Variants in TSC22D1 observed in about 807,000 individuals in gnomAD.
TSC22D1 encodes TSC22 domain family protein 1.
Under a neutral mutation model 74.2 loss-of-function variants are expected in TSC22D1, and 9 were observed. That is an observed-to-expected ratio of 0.12 (90% CI 0.07 to 0.21). The LOEUF (loss-of-function observed/expected upper bound fraction) is 0.21, where lower values mean the gene tolerates loss of function less well. Ranked by LOEUF, TSC22D1 falls within the 10% of genes least tolerant of loss-of-function variation. The pLI is 1.00. For missense variants in TSC22D1, 1,427 were observed against 1,304.7 expected (o/e 1.09, Z -1.44); for synonymous variants, 586 against 492.5 (o/e 1.19, Z -2.51).
At chr13:44,576,956 G>C (rs1341224887), upstream of TSC22D1, 1 of 152,728 alleles carries the variant, frequency 6.5e-6, no homozygotes, top group African/African-American at 2.4e-5. Context: ...GGGGAGGAAG[G>C]GGCCGGCACC....
intron 1 of TSC22D1, among the ~76,000 whole-genome samples, chr13:44,491,541 G>GA (rs1203709221): frequency 1.1e-4 from 16 of 142,500 alleles, no homozygotes; most frequent in African/African-American, 4.2e-4. Context: ...GAGGCAAAGC[G>GA]AGACTCCGTC....
chr13:44,573,086 T>C, intron 1 of TSC22D1, 77 bp downstream of exon 1: 1 of 1,512,006 alleles, frequency 6.6e-7, no homozygotes, highest in Non-Finnish European at 8.8e-7. Flanking sequence ...TTAGAGTCAT[T>C]TTGTGCATAC....
chr13:44,462,326 G>A (rs1180649050), intron 1 of TSC22D1, among the ~76,000 whole-genome samples: 1 of 152,170 alleles, frequency 6.6e-6, no homozygotes, highest in Non-Finnish European at 1.5e-5. Context: ...TTTTGGAAAG[G>A]TGCTGGACCA....
chr13:44,533,291 T>C (rs1880957233), intron 1 of TSC22D1, among the ~76,000 whole-genome samples: 1 of 151,164 alleles, frequency 6.6e-6, no homozygotes, highest in South Asian at 2.1e-4. Context: ...TGAAACCTCA[T>C]CTCTACTAGA....
At chr13:44,469,243 C>T (rs1019826934) in intron 1 of TSC22D1, among the ~76,000 whole-genome samples, 4 of 152,146 alleles carry the variant, frequency 2.6e-5, no homozygotes, top group African/African-American at 4.8e-5. Context: ...TACCCATCTC[C>T]GGCTTCCCTT....
At chr13:44,539,927 A>G in intron 1 of TSC22D1, 1 of 1,289,466 alleles carries the variant, frequency 7.8e-7, no homozygotes, top group South Asian at 1.2e-5. Context: ...AGAAGCACTG[A>G]AATAGAGAGC....
chr13:44,562,012 G>T (rs1883073962), intron 1 of TSC22D1, among the ~76,000 whole-genome samples: 1 of 151,912 alleles, frequency 6.6e-6, no homozygotes, highest in Non-Finnish European at 1.5e-5. Context: ...AATCATCTAA[G>T]GACAATTTCA....
At chr13:44,439,303 T>TA (rs1383758370) in intron 1 of TSC22D1, among the ~76,000 whole-genome samples, 3 of 152,206 alleles carry the variant, frequency 2.0e-5, no homozygotes, top group Non-Finnish European at 4.4e-5. Context: ...GATAGGCAAC[T>TA]AAAAAAATGA....
intron 1 of TSC22D1, among the ~76,000 whole-genome samples, chr13:44,553,114 A>G (rs1018505981): frequency 6.6e-6 from 1 of 152,222 alleles, no homozygotes; most frequent in African/African-American, 2.4e-5. Flanking sequence ...ATACATGACC[A>G]ACGACATTTC....
chr13:44,567,790 G>A (rs757777643), intron 1 of TSC22D1, among the ~76,000 whole-genome samples: 27 of 152,210 alleles, frequency 1.8e-4, no homozygotes, highest in Non-Finnish European at 3.2e-4. Context: ...TCAACAACCT[G>A]ACTCAAGAAA....
Position 44,575,438 on chromosome 13 carries a change from C to T in TSC22D1, c.637G>A (p.Gly213Arg). 1 of 1,613,948 alleles carries T rather than the reference C, an allele frequency of 6.2e-7. No homozygotes were observed. Among genetic ancestry groups the T allele is most frequent in the Non-Finnish European group, 8.5e-7 (1 of 1,179,970 alleles). Residue 213 changes from glycine to arginine, a missense_variant, in exon 1 of 3, where the codon GGG becomes AGG. Gly to Arg is a moderately radical substitution (Grantham distance 125, BLOSUM62 -2). Around this residue, in one of 3 missense-constraint regions of TSC22D1, gnomAD observed 1,343 missense variants for 1,191.5 expected, o/e 1.13. Coordinates refer to ENST00000458659, the MANE Select transcript of TSC22D1 (RefSeq NM_183422.4). ...TGGAGGTGGTGTGGATGAGCATTCC[C>T]ATTGATCACAACATTCTGTTGTGGA... ...HLPQQNVVIN[G>R]NAHPHHLHHH...
chr13:44,574,929 A>G lies in TSC22D1; in HGVS notation c.1146T>C (p.Pro382=). 2 of 1,614,136 alleles carry G rather than the reference A, an allele frequency of 1.2e-6. No individual in the cohort carries two copies. Among genetic ancestry groups the G allele is most frequent in the African/African-American group, 1.3e-5 (1 of 75,044 alleles). The part of the protein sequence containing the change: ...ISSSAAVSSV[P]NAAAGMTGGS... ...CCCCAGTCATCCCTGCAGCTGCATTAGGAACACTGCTAACAGCAGCAGAGG... is the reference window on the plus strand; with the variant it reads ...CCCCAGTCATCCCTGCAGCTGCATTGGGAACACTGCTAACAGCAGCAGAGG... Residue 382 remains proline (P), a synonymous_variant, in exon 1 of 3, where the codon CCT becomes CCC. Transcript: ENST00000458659.
chr13:44,517,853 A>ATTTTTTT (rs1438542551), intron 1 of TSC22D1, among the ~76,000 whole-genome samples: 24 of 23,268 alleles, frequency 1.0e-3, no homozygotes, highest in African/African-American at 1.7e-3. Context: ...ATATATATAT[A>ATTTTTTT]TATATTTTTT....
intron 1 of TSC22D1, among the ~76,000 whole-genome samples, chr13:44,458,598 C>T (rs1050569603): frequency 1.3e-5 from 2 of 152,056 alleles, no homozygotes; most frequent in African/African-American, 4.8e-5. Flanking sequence ...CTGCAGCTGC[C>T]CAGCCGTACC....
intron 1 of TSC22D1, among the ~76,000 whole-genome samples, chr13:44,480,057 A>G (rs1256311630): frequency 6.6e-6 from 1 of 152,044 alleles, no homozygotes; most frequent in African/African-American, 2.4e-5. Flanking sequence ...AGAAATATTA[A>G]ATTTGAAAAA....
chr13:44,439,498 G>T (rs1490888805), intron 1 of TSC22D1, among the ~76,000 whole-genome samples: 1 of 152,196 alleles, frequency 6.6e-6, no homozygotes, highest in Non-Finnish European at 1.5e-5. Flanking sequence ...TACATTCAAA[G>T]GCTCTTCTAA....
intron 1 of TSC22D1, among the ~76,000 whole-genome samples, chr13:44,456,072 G>A (rs1390707684): frequency 6.6e-6 from 1 of 152,156 alleles, no homozygotes; most frequent in Non-Finnish European, 1.5e-5. Flanking sequence ...ATTGTATCTG[G>A]AATTGGTTCC....
intron 1 of TSC22D1, among the ~76,000 whole-genome samples, chr13:44,506,459 A>G (rs984695695): frequency 6.6e-6 from 1 of 152,162 alleles, no homozygotes; most frequent in Non-Finnish European, 1.5e-5. Flanking sequence ...TTCAGGGGTT[A>G]TAACACACAC....
chr13:44,518,355 G>A (rs1048073524), intron 1 of TSC22D1, among the ~76,000 whole-genome samples: 1 of 152,012 alleles, frequency 6.6e-6, no homozygotes, highest in African/African-American at 2.4e-5. Context: ...AAAACAGGTT[G>A]TTTATTTCAT....
Sources: gnomAD v4.1 joint callset for allele counts (sites outside exome capture counted in the v4.1 genomes callset) on GRCh38, gnomAD v4.1.1 for gene constraint, gnomAD v4.1.1 regional missense constraint, MANE v1.5 for transcripts, NCBI Gene and HGNC (gene_info 2026-07-23, HGNC 2026-07-21) for gene names.